The following SYT9 variants were observed in gnomAD, a reference collection of about 807,000 sequenced individuals.
SYT9 encodes the protein synaptotagmin 9.
SYT9 carries 22 observed loss-of-function variants against 48.4 expected under a neutral mutation model. The observed-to-expected ratio is 0.45, with a 90% CI of 0.32 to 0.65. SYT9 has a LOEUF of 0.65. SYT9 is among the 30% of genes least tolerant of loss of function. The pLI is 0.03. For missense variants in SYT9, 577 were observed against 622.0 expected (o/e 0.93, Z 0.77); for synonymous variants, 265 against 245.0 (o/e 1.08, Z -0.76).
chr11:7,380,163 C>A (rs1163939828), intron 3 of SYT9, among the ~76,000 whole-genome samples: 6 of 152,054 alleles, frequency 3.9e-5, no homozygotes, highest in African/African-American at 9.7e-5. Context: ...AACTGGGGAT[C>A]ATTATGTTCA....
intron 6 of SYT9, among the ~76,000 whole-genome samples, chr11:7,430,051 T>G (rs895467952): frequency 6.6e-6 from 1 of 152,126 alleles, no homozygotes; most frequent in Non-Finnish European, 1.5e-5. Flanking sequence ...CAATGTCTTA[T>G]GTGATGTACT....
intron 3 of SYT9, among the ~76,000 whole-genome samples, chr11:7,344,367 A>T (rs1222334524): frequency 6.6e-6 from 1 of 151,788 alleles, no homozygotes; most frequent in Non-Finnish European, 1.5e-5. Context: ...TTCTCTTAAC[A>T]CTTTCTTTTG....
chr11:7,402,807 A>G (rs1846920859), intron 3 of SYT9, among the ~76,000 whole-genome samples: 1 of 152,178 alleles, frequency 6.6e-6, no homozygotes, highest in South Asian at 2.1e-4. Context: ...AACTGAAGTT[A>G]TTAAGTATAC....
rs1165412849 is a variant in SYT9 at position 7,303,354 on chromosome 11, T to G, written c.461T>G (p.Val154Gly). 2.5e-6 allele frequency: 4 copies of G among 1,612,334 alleles called. No homozygotes were observed. Among genetic ancestry groups the G allele is most frequent in the Non-Finnish European group, 2.5e-6 (3 of 1,179,824 alleles). ...GAGAACTGTGCCCATGGCGTCCGCG[T>G]GCAGCGCCAAGTCACAGAGCCAACC... ...IQENCAHGVRVQRQVTEPTSS... is the reference protein window; with the variant it reads ...IQENCAHGVRGQRQVTEPTSS... Residue 154 changes from valine (V) to glycine (G), a missense_variant, in exon 2 of 7, where the codon GTG (valine) becomes GGG (glycine). Coordinates refer to ENST00000318881, the MANE Select transcript of SYT9 (RefSeq NM_175733.4).
At chr11:7,434,242 G>T (rs1488877150) in intron 6 of SYT9, among the ~76,000 whole-genome samples, 1 of 152,196 alleles carries the variant, frequency 6.6e-6, no homozygotes, top group African/African-American at 2.4e-5. Flanking sequence ...TCTGGGCTGG[G>T]TAGTCCTCAA....
chr11:7,338,545 G>T (rs374297509), intron 3 of SYT9, among the ~76,000 whole-genome samples: 31 of 152,142 alleles, frequency 2.0e-4, no homozygotes, highest in African/African-American at 6.3e-4. Flanking sequence ...CTGTTATGTT[G>T]TGTCTTTGTT....
At chr11:7,278,335 C>G (rs1189829624) in intron 1 of SYT9, among the ~76,000 whole-genome samples, 2 of 152,160 alleles carry the variant, frequency 1.3e-5, no homozygotes, top group Non-Finnish European at 2.9e-5. Context: ...TTAAAGGCCC[C>G]CACCTCTCAA....
chr11:7,309,106 A>G (rs1257898573), intron 2 of SYT9, among the ~76,000 whole-genome samples: 2 of 152,178 alleles, frequency 1.3e-5, no homozygotes, highest in African/African-American at 4.8e-5. Context: ...CACAGGTTCA[A>G]CTGCTATTCT....
rs1847900046 is a variant in SYT9 at position 7,252,857 on chromosome 11, T to G, written c.145+526T>G. On this transcript the variant is annotated intron_variant, in intron 1 of 6. Coordinates refer to ENST00000318881, the MANE Select transcript of SYT9 (RefSeq NM_175733.4). This position sits in a 1 kb window ranked among gnomAD's most constrained non-coding sequence, Gnocchi z 6.3. ...GAGAAGGGCGGGACGCGATCCGGCG[T>G]TGGGCCGGGGACAGGGTGCTTCTGG... Among the ~76,000 whole-genome samples, 2 of 152,170 alleles carry G rather than the reference T, an allele frequency of 1.3e-5. No homozygotes were observed.
intron 6 of SYT9, among the ~76,000 whole-genome samples, chr11:7,462,416 C>T (rs1313983949): frequency 1.3e-5 from 2 of 152,110 alleles, no homozygotes; most frequent in African/African-American, 4.8e-5. Flanking sequence ...TCCTGAAAGG[C>T]AGTATAGTCA....
intron 3 of SYT9, among the ~76,000 whole-genome samples, chr11:7,405,409 G>A (rs1322457774): frequency 6.6e-6 from 1 of 152,124 alleles, no homozygotes; most frequent in African/African-American, 2.4e-5. Context: ...TGATTGAAGG[G>A]AATGTTTACA....
At chr11:7,243,943 A>ATT (rs10631365) in intron 1 of SYT9, among the ~76,000 whole-genome samples, 1,895 of 148,156 alleles carry the variant, frequency 0.013, 47 homozygotes, top group African/African-American at 0.045. Flanking sequence ...TGCAGAAAGC[A>ATT]TTTTTTTTTT....
chr11:7,364,520 G>A (rs1460812981), intron 3 of SYT9, among the ~76,000 whole-genome samples: 1 of 152,174 alleles, frequency 6.6e-6, no homozygotes, highest in Admixed American at 6.5e-5. Context: ...AAACTCATAT[G>A]GCTGGGGTGT....
At chr11:7,322,875 T>C (rs1849362101) in intron 3 of SYT9, among the ~76,000 whole-genome samples, 1 of 152,258 alleles carries the variant, frequency 6.6e-6, no homozygotes, top group East Asian at 1.9e-4. Context: ...AAAAATCATT[T>C]TACCACTTAA....
chr11:7,400,715 G>A (rs974731234), intron 3 of SYT9, among the ~76,000 whole-genome samples: 1 of 152,120 alleles, frequency 6.6e-6, no homozygotes, highest in African/African-American at 2.4e-5. Flanking sequence ...AGATAACTCT[G>A]GAGAAGATAT....
rs543577070 is a variant in SYT9 at position 7,363,879 on chromosome 11, T to G, written c.1044+49938T>G. ...TAGAGCCCTTGGTGCCTGTCCCAGA[T>G]AGAAGTGAGCTGAGGAACAAGTCAA... On this transcript the variant is annotated intron_variant, in intron 3 of 6. Transcript: ENST00000318881. Among the ~76,000 whole-genome samples, 12 of 151,330 alleles carry G rather than the reference T, an allele frequency of 7.9e-5. No individual in the cohort carries two copies. The East Asian group carries it at 2.3e-3, about 29-fold the overall frequency.
intron 3 of SYT9, among the ~76,000 whole-genome samples, chr11:7,362,335 A>G (rs767967542): frequency 6.6e-5 from 10 of 151,662 alleles, no homozygotes; most frequent in African/African-American, 1.2e-4. Flanking sequence ...AGGTTTCACA[A>G]TGTTGGCCAG....
At chr11:7,445,094 T>G (rs1272647609) in intron 6 of SYT9, among the ~76,000 whole-genome samples, 8 of 152,128 alleles carry the variant, frequency 5.3e-5, no homozygotes, top group Non-Finnish European at 1.2e-4. Flanking sequence ...CCTCTAAACC[T>G]CAGGTTATTC....
intron 6 of SYT9, among the ~76,000 whole-genome samples, chr11:7,442,818 T>C (rs553022037): frequency 1.3e-5 from 2 of 152,058 alleles, no homozygotes; most frequent in South Asian, 2.1e-4. Flanking sequence ...CAGGTAACTC[T>C]TCAGGACTCT....
Sources: allele counts gnomAD v4.1 joint callset (sites outside exome capture counted in the v4.1 genomes callset), GRCh38; gene constraint gnomAD v4.1.1; non-coding constraint Gnocchi (gnomAD v3.1); transcripts MANE v1.5; gene names NCBI Gene and HGNC (gene_info 2026-07-23, HGNC 2026-07-21).